Variants in TRAPPC6A observed in about 807,000 individuals in gnomAD.
The protein encoded by TRAPPC6A is trafficking protein particle complex subunit 6A, also known as TRAPP complex subunit 6A.
A neutral mutation model predicts 20.8 loss-of-function variants in TRAPPC6A; 25 were observed. That is an observed-to-expected ratio of 1.20 (90% CI 0.88 to 1.68). TRAPPC6A has a LOEUF of 1.68. Ranked by LOEUF, TRAPPC6A falls within the 40% of genes most tolerant of loss-of-function variation. The probability of loss-of-function intolerance (pLI) is 0.00; values close to 1 mark genes in which losing one functional copy is unlikely to be tolerated. For synonymous variants in TRAPPC6A, 96 were observed against 93.3 expected (o/e 1.03, Z -0.16); for missense variants, 215 against 211.6 (o/e 1.02, Z -0.10).
Position 45,164,114 on chromosome 19 carries a change from G to T in TRAPPC6A, c.354+50C>A, listed in dbSNP as rs373138329. The T allele has an allele frequency of 7.7e-6, 12 of 1,563,832 alleles. No individual in the cohort carries two copies. The African/African-American group carries it at 1.5e-4, about 19-fold the overall frequency. Reference sequence around the variant, plus strand: ...AAAGGCCTGATGTGGGATGGGGCTGGGTAAACAGGAGGAAGGGAGGTGTGG... The same window carrying T: ...AAAGGCCTGATGTGGGATGGGGCTGTGTAAACAGGAGGAAGGGAGGTGTGG... On this transcript the variant is annotated intron_variant, in intron 4 of 5. Coordinates refer to ENST00000585934, the MANE Select transcript of TRAPPC6A (RefSeq NM_001270891.2).
intron 1 of TRAPPC6A, among the ~76,000 whole-genome samples, chr19:45,170,935 A>G (rs1435524343): frequency 6.6e-6 from 1 of 152,258 alleles, no homozygotes; most frequent in Non-Finnish European, 1.5e-5. Flanking sequence ...CCACCTCATC[A>G]CAGCGAGACC....
chr19:45,164,787 T>A, intron 3 of TRAPPC6A, 66 bp downstream of exon 3: 1 of 1,466,394 alleles, frequency 6.8e-7, no homozygotes, highest in Non-Finnish European at 9.6e-7. Flanking sequence ...GCCGGGGGAT[T>A]CCCCTCCCAC....
At chr19:45,167,522 G>A (rs2122833522) in intron 1 of TRAPPC6A, among the ~76,000 whole-genome samples, 1 of 152,328 alleles carries the variant, frequency 6.6e-6, no homozygotes, top group East Asian at 1.9e-4. Context: ...CGCTCTTGTT[G>A]CCCAGGCTGG....
intron 1 of TRAPPC6A, among the ~76,000 whole-genome samples, chr19:45,171,717 C>T (rs75402934): frequency 0.03 from 4,550 of 152,124 alleles, 235 homozygotes; most frequent in African/African-American, 0.1. Context: ...TCTAATATTC[C>T]CTGTGGTGCC....
At chr19:45,177,218 C>T (rs938035713) in intron 1 of TRAPPC6A, among the ~76,000 whole-genome samples, 13 of 146,250 alleles carry the variant, frequency 8.9e-5, no homozygotes, top group African/African-American at 3.0e-4. Flanking sequence ...CACACACACA[C>T]AGTCCCGGGC....
intron 1 of TRAPPC6A, among the ~76,000 whole-genome samples, chr19:45,168,573 G>GAGAACCC (rs1205783370): frequency 6.6e-6 from 1 of 152,218 alleles, no homozygotes; most frequent in African/African-American, 2.4e-5. Flanking sequence ...CCAGCACAGG[G>GAGAACCC]AGAACCCACA....
At chr19:45,171,217 G>A (rs1428808114) in intron 1 of TRAPPC6A, among the ~76,000 whole-genome samples, 2 of 152,174 alleles carry the variant, frequency 1.3e-5, no homozygotes, top group East Asian at 1.9e-4. Context: ...CACCAGGATC[G>A]CTTGAACCCG....
intron 3 of TRAPPC6A, 56 bp from the exon 4 acceptor site, chr19:45,164,303 G>C: frequency 1.6e-6 from 2 of 1,242,450 alleles, no homozygotes; most frequent in Middle Eastern, 1.9e-4. Flanking sequence ...TTGAAGCGCA[G>C]GGAGGGTAAG....
chr19:45,165,186 C>A lies in TRAPPC6A; in HGVS notation c.93G>T (p.Lys31Asn). 6.2e-7 allele frequency: 1 copy of A among 1,603,198 alleles called. No homozygotes were observed. The highest frequency in any genetic ancestry group is 8.5e-7 in the Non-Finnish European group (1 of 1,175,250). Residue 31 changes from lysine to asparagine, a missense_variant, in exon 2 of 6, where the codon AAG becomes AAT. Physicochemically the swap from Lys to Asn is moderately conservative, Grantham distance 94. Coordinates refer to ENST00000585934, the MANE Select transcript of TRAPPC6A (RefSeq NM_001270891.2). Reference sequence around the variant, plus strand: ...TACCCTCCAGGACCGACAGGCTCATCTTCTGTCCCTAGAAGGCCAGGGGAG... The same window carrying A: ...TACCCTCCAGGACCGACAGGCTCATATTCTGTCCCTAGAAGGCCAGGGGAG... The part of the protein sequence containing the change: ...HDPDPGPGGQ[K>N]MSLSVLEGMG...
At chr19:45,176,828 T>G (rs1477882643) in intron 1 of TRAPPC6A, among the ~76,000 whole-genome samples, 2 of 146,828 alleles carry the variant, frequency 1.4e-5, no homozygotes, top group Non-Finnish European at 3.0e-5. Flanking sequence ...GGTCAGGAGT[T>G]CGACACCAGC....
Position 45,165,169 on chromosome 19 carries a change from AG to A in TRAPPC6A, c.109del (p.Leu37TrpfsTer12). 6.2e-7 allele frequency: 1 copy of A among 1,608,076 alleles called. No homozygotes were observed. Among genetic ancestry groups the A allele is most frequent in the Non-Finnish European group, 8.5e-7 (1 of 1,177,500 alleles). ...PGGQKMSLSV[L>X]EGMGFRVGQA... ...GCCCACACGGAACCCCATACCCTCCAGGACCGACAGGCTCATCTTCTGTCCC... is the reference window on the plus strand; with the variant it reads ...GCCCACACGGAACCCCATACCCTCCAGACCGACAGGCTCATCTTCTGTCCC... On this transcript the variant is annotated frameshift_variant, in exon 2 of 6. Transcript: ENST00000585934. LOFTEE classifies it high-confidence loss of function.
In TRAPPC6A at chr19:45,165,913, AT is replaced by A. The variant is rs879886820; in HGVS notation, c.85-720del. ...GCTGGAGGAGAGGAGATGCTCATGG[AT>A]TTTTTTTTTTTTAAGAGATGGAGTC... On this transcript the variant is annotated intron_variant, in intron 1 of 5. Transcript: ENST00000585934. 2.3e-3 allele frequency among the ~76,000 whole-genome samples: 338 copies of A among 143,978 alleles called. 1 individual carries two copies. Among genetic ancestry groups the A allele is most frequent in the African/African-American group, 2.1e-3 (85 of 39,574 alleles). 94.5% of individuals were successfully genotyped at this position (143,978 alleles called of 152,430 possible).
chr19:45,166,736 G>T (rs1381797763), intron 1 of TRAPPC6A, among the ~76,000 whole-genome samples: 1 of 152,128 alleles, frequency 6.6e-6, no homozygotes, highest in Non-Finnish European at 1.5e-5. Flanking sequence ...GGAGCCTGCA[G>T]TCACCAGGCC....
Position 45,173,082 on chromosome 19 carries a change from C to T in TRAPPC6A, c.84+5053G>A, listed in dbSNP as rs1330344302. On this transcript the variant is annotated intron_variant, in intron 1 of 5. Transcript: ENST00000585934. This position sits in a 1 kb window ranked among gnomAD's most constrained non-coding sequence, Gnocchi z 4.8. Reference sequence around the variant, plus strand: ...TGGCGCAGCAGGGCTATTCTCGGGGCGCCTCGGGCCTGGTCTCAGACAATG... The same window carrying T: ...TGGCGCAGCAGGGCTATTCTCGGGGTGCCTCGGGCCTGGTCTCAGACAATG... Among the ~76,000 whole-genome samples the T allele has an allele frequency of 4.0e-5, 6 of 151,380 alleles. No individual in the cohort carries two copies. The highest frequency in any genetic ancestry group is 7.4e-5 in the Non-Finnish European group (5 of 67,992).
In TRAPPC6A at chr19:45,178,155, CG is replaced by C; in HGVS notation, c.63del (p.His21GlnfsTer12). On this transcript the variant is annotated frameshift_variant, in exon 1 of 6. Coordinates refer to ENST00000585934, the MANE Select transcript of TRAPPC6A (RefSeq NM_001270891.2). LOFTEE classifies it high-confidence loss of function. ...CTCACCCCCGGGCCGGGGTCGGGGT[CG>C]TGAGCCCACAGCTCAGCCACCATCT... ...HTEMVAELWA[H>X]DPDPGPGGQK... The C allele has an allele frequency of 6.2e-7, 1 of 1,613,244 alleles. No homozygotes were observed. Among genetic ancestry groups the C allele is most frequent in the South Asian group, 1.1e-5 (1 of 91,026 alleles).
At chr19:45,168,536 G>A (rs1427605946) in intron 1 of TRAPPC6A, among the ~76,000 whole-genome samples, 1 of 152,154 alleles carries the variant, frequency 6.6e-6, no homozygotes, top group African/African-American at 2.4e-5. Context: ...GGATGCACAA[G>A]GAAAGGAGAG....
intron 2 of TRAPPC6A, 55 bp downstream of exon 2, chr19:45,165,072 G>A (rs1164308972): frequency 1.2e-6 from 2 of 1,610,532 alleles, no homozygotes; most frequent in Admixed American, 3.3e-5. Flanking sequence ...CCCCGCCCGG[G>A]GCCTGCCCAG....
intron 1 of TRAPPC6A, among the ~76,000 whole-genome samples, chr19:45,170,396 G>A (rs1969244687): frequency 6.6e-6 from 1 of 152,164 alleles, no homozygotes; most frequent in South Asian, 2.1e-4. Flanking sequence ...GAAGCACCCC[G>A]ACTGTGCTGA....
chr19:45,165,019 G>A (rs1969118131), intron 2 of TRAPPC6A, 49 bp from the exon 3 acceptor site: 2 of 1,610,236 alleles, frequency 1.2e-6, no homozygotes, highest in Admixed American at 1.7e-5. Context: ...CCAGGAAGAG[G>A]GAGGAAGACA....
Sources: gnomAD v4.1 joint callset for allele counts (sites outside exome capture counted in the v4.1 genomes callset) on GRCh38, gnomAD v4.1.1 for gene constraint, Gnocchi (gnomAD v3.1) non-coding constraint, MANE v1.5 for transcripts, NCBI Gene and HGNC (gene_info 2026-07-23, HGNC 2026-07-21) for gene names.